Variants in COLEC12 observed in about 807,000 individuals in gnomAD.
COLEC12 encodes the protein collectin-12.
A neutral mutation model predicts 71.1 loss-of-function variants in COLEC12; 33 were observed. That is an observed-to-expected ratio of 0.46 (90% CI 0.35 to 0.62). The LOEUF is 0.62. Among genes scored for constraint, COLEC12 ranks in the 20% least tolerant of loss-of-function variants. COLEC12 has a pLI of 0.00. For missense variants in COLEC12, 765 were observed against 916.1 expected (o/e 0.84, Z 2.13); for synonymous variants, 350 against 353.0 (o/e 0.99, Z 0.10).
intron 2 of COLEC12, among the ~76,000 whole-genome samples, chr18:419,726 G>A (rs529880517): frequency 1.3e-5 from 2 of 152,340 alleles, no homozygotes; most frequent in Admixed American, 6.5e-5. Flanking sequence ...TATGTCATCT[G>A]TGGTAGATAA....
chr18:453,294 G>T (rs1203952589), intron 2 of COLEC12, among the ~76,000 whole-genome samples: 5 of 152,166 alleles, frequency 3.3e-5, no homozygotes, highest in Admixed American at 6.5e-5. Flanking sequence ...GGGATTTCTA[G>T]AATTTAAGAA....
chr18:360,452 A>C (rs1914719924), intron 2 of COLEC12, among the ~76,000 whole-genome samples: 1 of 152,016 alleles, frequency 6.6e-6, no homozygotes, highest in Non-Finnish European at 1.5e-5. Flanking sequence ...CAGCCTCCCA[A>C]AGTGCTGGGA....
intron 2 of COLEC12, among the ~76,000 whole-genome samples, chr18:430,223 A>G (rs1272532838): frequency 6.6e-6 from 1 of 151,844 alleles, no homozygotes; most frequent in African/African-American, 2.4e-5. Context: ...AGTCCCAGCT[A>G]CTCGGGAGGC....
rs150174671 is a variant in COLEC12, at chr18:320,505, C to T, written c.2210-441G>A. ...AGTAACTGTCTGTTGAATGGCAATACGGATAATTTATGCCCCAGTTACTTC... is the reference window on the plus strand; with the variant it reads ...AGTAACTGTCTGTTGAATGGCAATATGGATAATTTATGCCCCAGTTACTTC... On this transcript the variant is annotated intron_variant, in intron 9 of 9. Transcript: ENST00000400256. Among the ~76,000 whole-genome samples, 283 of 152,244 alleles carry T rather than the reference C, an allele frequency of 1.9e-3. 4 individuals are homozygous for T. The highest frequency in any genetic ancestry group is 5.9e-3 in the African/African-American group (247 of 41,550).
At chr18:488,261 A>G (rs1252676610) in intron 1 of COLEC12, among the ~76,000 whole-genome samples, 1 of 151,812 alleles carries the variant, frequency 6.6e-6, no homozygotes, top group Non-Finnish European at 1.5e-5. Flanking sequence ...AAATACAAAA[A>G]TTAGCCGGGC....
chr18:364,449 C>T (rs997335106), intron 2 of COLEC12, among the ~76,000 whole-genome samples: 2 of 152,192 alleles, frequency 1.3e-5, no homozygotes, highest in Admixed American at 1.3e-4. Context: ...ACATCTCTTA[C>T]AGTTGTCTCT....
chr18:460,590 CTAAG>C (rs1406190217), intron 2 of COLEC12, among the ~76,000 whole-genome samples: 1 of 152,186 alleles, frequency 6.6e-6, no homozygotes, highest in Non-Finnish European at 1.5e-5. Context: ...AAGACAGTTG[CTAAG>C]TATGTTATGC....
At chr18:333,709 T>A (rs1293755442) in intron 6 of COLEC12, 1 of 152,214 alleles carries the variant, frequency 6.6e-6, no homozygotes, top group Admixed American at 6.5e-5. Flanking sequence ...AGAAATTAAA[T>A]GTAGTCATCA....
intron 2 of COLEC12, among the ~76,000 whole-genome samples, chr18:369,146 A>G (rs1914937780): frequency 6.6e-6 from 1 of 152,194 alleles, no homozygotes. Flanking sequence ...CATTCCACTC[A>G]GCGCCCTTAC....
intron 2 of COLEC12, among the ~76,000 whole-genome samples, chr18:373,676 G>A (rs1049104848): frequency 1.3e-5 from 2 of 152,184 alleles, no homozygotes; most frequent in Admixed American, 6.5e-5. Context: ...GAACCGGGTA[G>A]AATCAAATAT....
intron 7 of COLEC12, among the ~76,000 whole-genome samples, chr18:332,012 T>G (rs1913995038): frequency 6.6e-6 from 1 of 152,180 alleles, no homozygotes; most frequent in Non-Finnish European, 1.5e-5. Flanking sequence ...GTGAGGCTCT[T>G]CCTCTAAATC....
chr18:349,058 T>G (rs897213416), intron 3 of COLEC12, among the ~76,000 whole-genome samples: 1 of 152,230 alleles, frequency 6.6e-6, no homozygotes, highest in African/African-American at 2.4e-5. Flanking sequence ...TGCATCTTTC[T>G]AATTTTCTCT....
chr18:463,641 C>T (rs1017384946), intron 2 of COLEC12, among the ~76,000 whole-genome samples: 1 of 152,092 alleles, frequency 6.6e-6, no homozygotes, highest in African/African-American at 2.4e-5. Flanking sequence ...CAGATGCTAT[C>T]AGTTACACAG....
chr18:441,222 T>C (rs1305267782), intron 2 of COLEC12, among the ~76,000 whole-genome samples: 2 of 151,446 alleles, frequency 1.3e-5, no homozygotes, highest in African/African-American at 2.4e-5. Context: ...CACTCCAGCC[T>C]GGGCGACAGA....
chr18:340,709 A>G (rs1914231998), intron 5 of COLEC12, among the ~76,000 whole-genome samples: 1 of 152,268 alleles, frequency 6.6e-6, no homozygotes, highest in African/African-American at 2.4e-5. Flanking sequence ...AGGTAGAGGA[A>G]AAACAGTGAT....
At position 346,120 on chromosome 18, in the gene COLEC12, C is replaced by A. The variant is rs1470439613; in HGVS notation, c.1327+175G>T. Among the ~76,000 whole-genome samples, 1 of 152,224 alleles carries A rather than the reference C, an allele frequency of 6.6e-6. No individual in the cohort carries two copies. The highest frequency in any genetic ancestry group is 1.5e-5 in the Non-Finnish European group (1 of 68,046). ...TGCAGCTCTGGCTGAGATCTTGACA[C>A]AACCTCATGAAAAACAGTGAGTCAG... On this transcript the variant is annotated intron_variant, in intron 5 of 9. Transcript: ENST00000400256. The surrounding 1 kb of genome is among the most constrained non-coding windows in gnomAD (Gnocchi z 4.0).
intron 5 of COLEC12, among the ~76,000 whole-genome samples, chr18:336,425 C>T (rs1277728310): frequency 6.6e-6 from 1 of 152,212 alleles, no homozygotes; most frequent in Non-Finnish European, 1.5e-5. Flanking sequence ...GAATACTGCT[C>T]ATCCCCATTA....
chr18:421,988 T>A (rs1174949787), intron 2 of COLEC12, among the ~76,000 whole-genome samples: 1 of 152,174 alleles, frequency 6.6e-6, no homozygotes, highest in Non-Finnish European at 1.5e-5. Flanking sequence ...GGTGAGTCAC[T>A]GGATTGCTGT....
At chr18:354,417 C>G (rs1914585533) in intron 3 of COLEC12, among the ~76,000 whole-genome samples, 1 of 152,230 alleles carries the variant, frequency 6.6e-6, no homozygotes, top group Non-Finnish European at 1.5e-5. Flanking sequence ...TTGAGCAAAA[C>G]AGTATGAAGT....
Sources: gnomAD v4.1 joint callset for allele counts (sites outside exome capture counted in the v4.1 genomes callset) on GRCh38, gnomAD v4.1.1 for gene constraint, Gnocchi (gnomAD v3.1) non-coding constraint, MANE v1.5 for transcripts, NCBI Gene and HGNC (gene_info 2026-07-23, HGNC 2026-07-21) for gene names.